Variants in RALGAPA2 observed in about 807,000 individuals in gnomAD.
RALGAPA2 encodes ral GTPase-activating protein subunit alpha-2.
In RALGAPA2, 139 loss-of-function variants were observed where a neutral mutation model predicts 230.4. The observed-to-expected ratio is 0.60, with a 90% CI of 0.53 to 0.69. The LOEUF (loss-of-function observed/expected upper bound fraction) is 0.69. RALGAPA2 is among the 30% of genes least tolerant of loss of function. RALGAPA2 has a pLI of 0.00. For missense variants in RALGAPA2, 2,163 were observed against 2,276.0 expected (o/e 0.95, Z 1.01); for synonymous variants, 847 against 837.8 (o/e 1.01, Z -0.19).
Position 20,583,091 on chromosome 20 carries a change from T to C in RALGAPA2, c.2666A>G (p.His889Arg), listed in dbSNP as rs1350471690. 3 of 1,613,560 alleles carry C rather than the reference T, an allele frequency of 1.9e-6. No individual in the cohort carries two copies. The highest frequency in any genetic ancestry group is 1.1e-5 in the South Asian group (1 of 91,086). The change falls in exon 20 of 40, where the codon CAT becomes CGT. Residue 889 changes from histidine to arginine, a missense_variant. His to Arg is a conservative substitution (Grantham distance 29). Coordinates refer to ENST00000202677, the MANE Select transcript of RALGAPA2 (RefSeq NM_020343.4). ...TDVVADADAR[H>R]WLQLSPTDAS... ...ATCGGTGGGACTCAGTTGTAACCAATGACGGGCATCAGCATCAGCCACAAC... is the reference window on the plus strand; with the variant it reads ...ATCGGTGGGACTCAGTTGTAACCAACGACGGGCATCAGCATCAGCCACAAC...
chr20:20,422,606 G>C (rs540330796), intron 37 of RALGAPA2, among the ~76,000 whole-genome samples: 4 of 152,270 alleles, frequency 2.6e-5, no homozygotes, highest in African/African-American at 9.6e-5. Context: ...CTAGTGGTAC[G>C]CAGTGCACAC....
chr20:20,670,193 C>A (rs1265628368), intron 3 of RALGAPA2, among the ~76,000 whole-genome samples: 2 of 152,194 alleles, frequency 1.3e-5, no homozygotes, highest in African/African-American at 2.4e-5. Context: ...TGACACAGTG[C>A]ATACCTAATA....
intron 14 of RALGAPA2, among the ~76,000 whole-genome samples, chr20:20,607,159 A>G (rs1603041099): frequency 6.6e-6 from 1 of 152,066 alleles, no homozygotes; most frequent in East Asian, 1.9e-4. Flanking sequence ...TTTTCCCCAA[A>G]TTATATATAG....
chr20:20,523,389 A>C (rs919152401), intron 30 of RALGAPA2, among the ~76,000 whole-genome samples: 29 of 152,216 alleles, frequency 1.9e-4, no homozygotes, highest in South Asian at 6.2e-4. Flanking sequence ...TCCTTAATTT[A>C]TTTCTTAAGA....
chr20:20,396,779 C>CA (rs757859205), intron 38 of RALGAPA2, 45 bp from the exon 39 acceptor site: 17 of 1,487,976 alleles, frequency 1.1e-5, no homozygotes, highest in Non-Finnish European at 1.5e-5. Flanking sequence ...AACACAACAC[C>CA]CCCACAGCTC....
chr20:20,589,388 G>A (rs773163855), intron 17 of RALGAPA2, 23 bp from the exon 18 acceptor site: 3 of 1,558,748 alleles, frequency 1.9e-6, no homozygotes, highest in African/African-American at 2.7e-5. Context: ...GGGCAGGGGG[G>A]TAGCGGAAAT....
chr20:20,678,340 T>C (rs1276727962), intron 2 of RALGAPA2, among the ~76,000 whole-genome samples: 1 of 152,276 alleles, frequency 6.6e-6, no homozygotes, highest in South Asian at 2.1e-4. Context: ...TTCACTATGA[T>C]TCTTTGCAGT....
intron 1 of RALGAPA2, among the ~76,000 whole-genome samples, chr20:20,708,246 T>C (rs1005924877): frequency 6.6e-6 from 1 of 152,178 alleles, no homozygotes; most frequent in Non-Finnish European, 1.5e-5. Flanking sequence ...CTAAAAAAGA[T>C]TAAAATTGCA....
intron 23 of RALGAPA2, among the ~76,000 whole-genome samples, chr20:20,547,874 A>ATACAAATGTGCACAACATGT (rs1413979712): frequency 6.6e-6 from 1 of 152,220 alleles, no homozygotes; most frequent in East Asian, 1.9e-4. Context: ...CACATCCAGG[A>ATACAAATGTGCACAACATGT]TACAAATGTG....
At chr20:20,412,243 G>T in intron 37 of RALGAPA2, 95 bp from the exon 38 acceptor site, 1 of 1,479,662 alleles carries the variant, frequency 6.8e-7, no homozygotes, top group Non-Finnish European at 9.3e-7. Flanking sequence ...AATTTTTTCT[G>T]TGTAAAAAAG....
At chr20:20,695,170 T>C (rs1021341696) in intron 1 of RALGAPA2, among the ~76,000 whole-genome samples, 1 of 152,070 alleles carries the variant, frequency 6.6e-6, no homozygotes, top group Non-Finnish European at 1.5e-5. Flanking sequence ...TTCTAAAATG[T>C]TGTAAAAAAC....
intron 38 of RALGAPA2, among the ~76,000 whole-genome samples, chr20:20,400,874 G>A (rs149279659): frequency 2.6e-5 from 4 of 152,134 alleles, no homozygotes; most frequent in African/African-American, 9.7e-5. Flanking sequence ...TACCGATATG[G>A]GCTACACATG....
At chr20:20,529,581 C>T (rs1002013245) in intron 27 of RALGAPA2, among the ~76,000 whole-genome samples, 7 of 152,190 alleles carry the variant, frequency 4.6e-5, no homozygotes, top group Non-Finnish European at 8.8e-5. Context: ...TTTTACTGTA[C>T]CTCTTCTATG....
At chr20:20,672,351 C>CA (rs2068164319) in intron 3 of RALGAPA2, among the ~76,000 whole-genome samples, 1 of 152,094 alleles carries the variant, frequency 6.6e-6, no homozygotes, top group South Asian at 2.1e-4. Context: ...CATAATTAGA[C>CA]AAACACTTAA....
chr20:20,617,659 G>A (rs766236405), intron 12 of RALGAPA2, among the ~76,000 whole-genome samples: 30 of 152,082 alleles, frequency 2.0e-4, no homozygotes, highest in Non-Finnish European at 4.0e-4. Context: ...TCTTATTAAT[G>A]TGCTGGTATC....
chr20:20,603,391 G>T (rs2065721085), intron 15 of RALGAPA2, among the ~76,000 whole-genome samples: 2 of 152,156 alleles, frequency 1.3e-5, no homozygotes, highest in African/African-American at 2.4e-5. Context: ...CGTGTATATG[G>T]TTTACTAACC....
chr20:20,659,274 T>C (rs1055367840), intron 3 of RALGAPA2, among the ~76,000 whole-genome samples: 7 of 152,326 alleles, frequency 4.6e-5, no homozygotes, highest in East Asian at 3.9e-4. Flanking sequence ...GGGAGACCCA[T>C]AGAGAGGGCA....
intron 2 of RALGAPA2, 106 bp downstream of exon 2, chr20:20,680,585 C>T (rs528890869): frequency 7.2e-7 from 1 of 1,383,754 alleles, no homozygotes; most frequent in East Asian, 2.9e-5. Context: ...TTGCTAAAGG[C>T]TTGGCAAGAA....
At chr20:20,681,835 G>T (rs1239997814) in intron 1 of RALGAPA2, among the ~76,000 whole-genome samples, 2 of 151,956 alleles carry the variant, frequency 1.3e-5, no homozygotes, top group East Asian at 1.9e-4. Context: ...CTTCAGCCTG[G>T]GCAAGAGTGA....
Sources: gnomAD v4.1 joint callset for allele counts (sites outside exome capture counted in the v4.1 genomes callset) on GRCh38, gnomAD v4.1.1 for gene constraint, MANE v1.5 for transcripts, NCBI Gene and HGNC (gene_info 2026-07-23, HGNC 2026-07-21) for gene names.